MAP3K4: variants seen among roughly 807,000 people sequenced by gnomAD.
MAP3K4 encodes MAP three kinase 1.
A neutral mutation model predicts 185.6 loss-of-function variants in MAP3K4; 67 were observed. That is an observed-to-expected ratio of 0.36 (90% CI 0.30 to 0.44). The LOEUF (loss-of-function observed/expected upper bound fraction) is 0.44, where lower values mean the gene tolerates loss of function less well. Ranked by LOEUF, MAP3K4 falls within the 20% of genes least tolerant of loss-of-function variation. The pLI is 1.00. For synonymous variants in MAP3K4, 702 were observed against 710.4 expected (o/e 0.99, Z 0.19); for missense variants, 1,551 against 1,995.1 (o/e 0.78, Z 4.24).
intron 1 of MAP3K4, among the ~76,000 whole-genome samples, chr6:160,999,966 A>G (rs1044118098): frequency 2.0e-5 from 3 of 152,212 alleles, no homozygotes; most frequent in Non-Finnish European, 4.4e-5. Flanking sequence ...AGAAGAGCCA[A>G]TGCTCAGAAA....
intron 3 of MAP3K4, among the ~76,000 whole-genome samples, chr6:161,059,043 A>G (rs901092704): frequency 3.3e-5 from 5 of 152,174 alleles, no homozygotes; most frequent in African/African-American, 1.2e-4. Context: ...CTCCAAAAAG[A>G]CTATACTAAT....
Position 161,115,005 on chromosome 6 carries a change from A to C in MAP3K4, c.4627-118A>C, listed in dbSNP as rs974082265. 2 of 837,118 alleles carry C rather than the reference A, an allele frequency of 2.4e-6. No individual in the cohort carries two copies. Among genetic ancestry groups the C allele is most frequent in the African/African-American group, 1.7e-5 (1 of 58,648 alleles). 51.9% of individuals were successfully genotyped at this position (837,118 alleles called of 1,614,324 possible). A position where few individuals can be genotyped will look rare whatever the true frequency, so the allele number is the denominator to read the frequency against. On this transcript the variant is annotated intron_variant, in intron 25 of 26. Coordinates refer to ENST00000392142, the MANE Select transcript of MAP3K4 (RefSeq NM_005922.4). This position sits in a 1 kb window ranked among gnomAD's most constrained non-coding sequence, Gnocchi z 6.0. ...AAAATATTGTTTGGCCCTTTCAGTA[A>C]AAATTTGCTGTCCCCTGATATATAT...
Position 161,067,365 on chromosome 6 carries a change from G to A in MAP3K4, c.1708-3243G>A. On this transcript the variant is annotated intron_variant, in intron 3 of 26. Transcript: ENST00000392142. This position sits in a 1 kb window ranked among gnomAD's most constrained non-coding sequence, Gnocchi z 6.3. ...AGCTTCCTTATGCATCGATCTCAGT[G>A]AGCAGAGGGAACAGGATGGGAGGCA... 3.0e-6 allele frequency: 1 copy of A among 330,166 alleles called. No homozygotes were observed. The allele number at this position is 330,166 out of a possible 1,614,324, so 20.5% of individuals were successfully genotyped here.
rs1184288477 is a variant in MAP3K4 at position 161,091,374 on chromosome 6, T to G, written c.2974-5T>G. 2 of 1,612,600 alleles carry G rather than the reference T, an allele frequency of 1.2e-6. No homozygotes were observed. Among genetic ancestry groups the G allele is most frequent in the Non-Finnish European group, 1.7e-6 (2 of 1,179,426 alleles). ...TTTGCATTAATCATGGTTTGGACTC[T>G]TCAGAATGATGCATTGGAGCTATGC... On this transcript the variant is annotated splice_region_variant and splice_polypyrimidine_tract_variant and intron_variant, in intron 11 of 26. Transcript: ENST00000392142. The surrounding 1 kb of genome is among the most constrained non-coding windows in gnomAD (Gnocchi z 5.5).
chr6:161,038,238 A>AG (rs1335331281), intron 2 of MAP3K4, among the ~76,000 whole-genome samples: 1 of 152,200 alleles, frequency 6.6e-6, no homozygotes, highest in Non-Finnish European at 1.5e-5. Flanking sequence ...CCAACAGTAC[A>AG]GGCTCATCTG....
intron 1 of MAP3K4, among the ~76,000 whole-genome samples, chr6:161,028,795 G>T (rs1359227701): frequency 6.6e-6 from 1 of 152,188 alleles, no homozygotes; most frequent in Non-Finnish European, 1.5e-5. Flanking sequence ...GCAAAAGTTA[G>T]ATAGTACATG....
intron 3 of MAP3K4, among the ~76,000 whole-genome samples, chr6:161,058,794 C>T (rs980713085): frequency 6.6e-6 from 1 of 151,690 alleles, no homozygotes. Context: ...TTGTTAAATT[C>T]CATTTAACAA....
intron 3 of MAP3K4, among the ~76,000 whole-genome samples, chr6:161,050,958 T>G (rs978019754): frequency 3.3e-5 from 5 of 152,232 alleles, no homozygotes; most frequent in Admixed American, 6.5e-5. Context: ...AATGCTCAAG[T>G]CCCTCATACA....
Position 160,991,958 on chromosome 6 carries a change from C to G in MAP3K4, c.27C>G (p.Val9=), listed in dbSNP as rs750190300. 6.5e-7 allele frequency: 1 copy of G among 1,545,742 alleles called. No homozygotes were observed. Among genetic ancestry groups the G allele is most frequent in the Non-Finnish European group, 8.7e-7 (1 of 1,153,534 alleles). MREAAAAL[V]PPPAFAVTPA... ...TGAGAGAAGCCGCTGCCGCGCTGGT[C>G]CCTCCTCCCGCCTTTGCCGTCACGC... is the stretch of plus-strand genomic sequence containing the variant. The change falls in exon 1 of 27, where the codon GTC becomes GTG. Residue 9 remains valine, a synonymous_variant. Coordinates refer to ENST00000392142, the MANE Select transcript of MAP3K4 (RefSeq NM_005922.4). This position sits in a 1 kb window ranked among gnomAD's most constrained non-coding sequence, Gnocchi z 5.7.
At chr6:161,047,117 C>CATATATATATATATATATATAT (rs3050257) in intron 2 of MAP3K4, among the ~76,000 whole-genome samples, 73 of 134,960 alleles carry the variant, frequency 5.4e-4, no homozygotes, top group African/African-American at 1.8e-3. Context: ...TTCACTTATG[C>CATATATATATATATATATATAT]ATATATATAT....
At chr6:161,058,402 A>C (rs926730787) in intron 3 of MAP3K4, among the ~76,000 whole-genome samples, 1 of 152,188 alleles carries the variant, frequency 6.6e-6, no homozygotes, top group African/African-American at 2.4e-5. Flanking sequence ...ACCTGTTTAC[A>C]TGACTTACTG....
chr6:161,084,415 G>A lies in MAP3K4; in HGVS notation c.2256-86G>A. The stretch of plus-strand genomic sequence containing the variant: ...TTTTTAAACCATTAGAGCAGTAGCT[G>A]AGCCTTTCAAGTTTCTCAGTCAAGA... On this transcript the variant is annotated intron_variant, in intron 6 of 26. Coordinates refer to ENST00000392142, the MANE Select transcript of MAP3K4 (RefSeq NM_005922.4). This position sits in a 1 kb window ranked among gnomAD's most constrained non-coding sequence, Gnocchi z 4.6. The A allele has an allele frequency of 2.8e-6, 2 of 725,254 alleles. No individual in the cohort carries two copies. Among genetic ancestry groups the A allele is most frequent in the Non-Finnish European group, 4.9e-6 (2 of 404,088 alleles). The allele number at this position is 725,254 out of a possible 1,614,324, so 44.9% of individuals were successfully genotyped here. A position where few individuals can be genotyped will look rare whatever the true frequency, so the allele number is the denominator to read the frequency against.
chr6:161,097,413 C>G lies in MAP3K4; in HGVS notation c.3524+237C>G, dbSNP rs74769886. 0.026 allele frequency among the ~76,000 whole-genome samples: 4,031 copies of G among 152,288 alleles called. 171 individuals carry two copies. Among genetic ancestry groups the G allele is most frequent in the African/African-American group, 0.086 (3,573 of 41,534 alleles). On this transcript the variant is annotated intron_variant, in intron 16 of 26. Coordinates refer to ENST00000392142, the MANE Select transcript of MAP3K4 (RefSeq NM_005922.4). This position sits in a 1 kb window ranked among gnomAD's most constrained non-coding sequence, Gnocchi z 4.9. ...CTTCGTTTCTCAGCTTATTTATAAC[C>G]TCAAGCTACTACATGCTTTCTGGCT...
chr6:161,093,126 G>C lies in MAP3K4; in HGVS notation c.3348+70G>C. On this transcript the variant is annotated intron_variant, in intron 14 of 26. Transcript: ENST00000392142. This position sits in a 1 kb window ranked among gnomAD's most constrained non-coding sequence, Gnocchi z 5.2. ...CACTCCTTATTTTCTGGTTGTATAT[G>C]TTTTATATGTAATAGTGGTTTTTTT... 4 of 1,017,242 alleles carry C rather than the reference G, an allele frequency of 3.9e-6. No homozygotes were observed. Among genetic ancestry groups the C allele is most frequent in the Non-Finnish European group, 6.0e-6 (4 of 662,062 alleles). 63.0% of individuals were successfully genotyped at this position (1,017,242 alleles called of 1,614,324 possible).
At position 161,098,232 on chromosome 6, in the gene MAP3K4, T is replaced by C; in HGVS notation, c.3525-46T>C. ...TAATTGAAAACAATTTTCAAGTCCG[T>C]TCCCTCTTCTCACATGTGTTCCTGA... On this transcript the variant is annotated intron_variant, in intron 16 of 26. Transcript: ENST00000392142. The surrounding 1 kb of genome is among the most constrained non-coding windows in gnomAD (Gnocchi z 4.4). 1 of 1,538,050 alleles carries C rather than the reference T, an allele frequency of 6.5e-7. No individual in the cohort carries two copies. Among genetic ancestry groups the C allele is most frequent in the East Asian group, 2.4e-5 (1 of 41,820 alleles).
In MAP3K4 at chr6:161,086,632, C is replaced by G. The variant is rs751020590; in HGVS notation, c.2521C>G (p.Leu841Val). 6 of 1,613,798 alleles carry G rather than the reference C, an allele frequency of 3.7e-6. No individual in the cohort carries two copies. In the African/African-American group the frequency reaches 6.7e-5, roughly 18 times the overall value. Residue 841 changes from leucine to valine, a missense_variant, in exon 9 of 27, where the codon CTC becomes GTC. Transcript: ENST00000392142. The surrounding 1 kb of genome is among the most constrained non-coding windows in gnomAD (Gnocchi z 4.8). ...EFRLSAPVRD[L>V]LDVLKSKQYV... is the part of the protein sequence containing the mutation. ...CAGGCTTTCAGCCCCAGTTAGAGAC[C>G]TCCTGGATGTTCTGAAATCAAAACA...
In MAP3K4 at chr6:161,054,913, AC is replaced by A. The variant is rs1245174399; in HGVS notation, c.1707+4937del. On this transcript the variant is annotated intron_variant, in intron 3 of 26. Transcript: ENST00000392142. This position sits in a 1 kb window ranked among gnomAD's most constrained non-coding sequence, Gnocchi z 4.2. The stretch of plus-strand genomic sequence containing the variant: ...TACCCTCCCCCATATCCATTTGTGG[AC>A]CCAGATACAATCCAAGATCTTTTTT... 1.3e-5 allele frequency among the ~76,000 whole-genome samples: 2 copies of A among 152,218 alleles called. No individual in the cohort carries two copies. Among genetic ancestry groups the A allele is most frequent in the Non-Finnish European group, 2.9e-5 (2 of 68,036 alleles).
rs975985293 is a variant in MAP3K4 at position 161,053,294 on chromosome 6, T to C, written c.1707+3315T>C. On this transcript the variant is annotated intron_variant, in intron 3 of 26. Coordinates refer to ENST00000392142, the MANE Select transcript of MAP3K4 (RefSeq NM_005922.4). The surrounding 1 kb of genome is among the most constrained non-coding windows in gnomAD (Gnocchi z 4.2). ...CATCATGAGAACAGCACCAATGGGA[T>C]GGTACTAAACGGTCACCTCCCACCA... Among the ~76,000 whole-genome samples, 1 of 152,110 alleles carries C rather than the reference T, an allele frequency of 6.6e-6. No individual in the cohort carries two copies. Among genetic ancestry groups the C allele is most frequent in the Non-Finnish European group, 1.5e-5 (1 of 68,022 alleles).
chr6:161,112,774 G>A lies in MAP3K4; in HGVS notation c.4626G>A (p.Lys1542=). Residue 1542 remains lysine (K), a splice_region_variant and synonymous_variant, in exon 25 of 27, where the codon AAG becomes AAA. Transcript: ENST00000392142. The surrounding 1 kb of genome is among the most constrained non-coding windows in gnomAD (Gnocchi z 5.1). The part of the protein sequence containing the change: ...GCVVIEMVTG[K]RPWHEYEHNF... ...TTGTCATAGAGATGGTGACTGGCAA[G>A]GTAAGCGGAGCCCCCACACCTGGCG... 1.3e-6 allele frequency: 2 copies of A among 1,585,870 alleles called. No homozygotes were observed. The highest frequency in any genetic ancestry group is 1.7e-6 in the Non-Finnish European group (2 of 1,167,700).
Sources: allele counts gnomAD v4.1 joint callset (sites outside exome capture counted in the v4.1 genomes callset), GRCh38; gene constraint gnomAD v4.1.1; non-coding constraint Gnocchi (gnomAD v3.1); transcripts MANE v1.5; gene names NCBI Gene and HGNC (gene_info 2026-07-23, HGNC 2026-07-21).